Variants in CPS1 observed in about 807,000 individuals in gnomAD.
CPS1 encodes the protein carbamoyl-phosphate synthase [ammonia], mitochondrial.
In CPS1, 109 loss-of-function variants were observed where a neutral mutation model predicts 174.6. That is an observed-to-expected ratio of 0.62 (90% CI 0.53 to 0.73). The LOEUF is 0.73. CPS1 is among the 30% of genes least tolerant of loss of function. The probability of loss-of-function intolerance (pLI) is 0.00; values close to 1 mark genes in which losing one functional copy is unlikely to be tolerated. For synonymous variants in CPS1, 637 were observed against 632.0 expected, an observed-to-expected ratio of 1.01 and a Z score of -0.12; for missense variants, 1,689 against 1,821.9, an observed-to-expected ratio of 0.93 and a Z score of 1.33.
intron 33 of CPS1, among the ~76,000 whole-genome samples, chr2:210,666,012 GC>G (rs1559136113): frequency 6.7e-6 from 1 of 150,260 alleles, no homozygotes; most frequent in Non-Finnish European, 1.5e-5. Flanking sequence ...TTTAATGATT[GC>G]CATTCTAACT....
At chr2:210,479,329 C>CTTTTTTTT (rs11299389) in intron 1 of CPS1, among the ~76,000 whole-genome samples, 1 of 122,412 alleles carries the variant, frequency 8.2e-6, no homozygotes, top group Non-Finnish European at 1.7e-5. Context: ...ATCATTCTTT[C>CTTTTTTTT]TTTTTTTTTT....
At chr2:210,554,312 T>A (rs1559073646), upstream of CPS1, among the ~76,000 whole-genome samples, 1 of 150,860 alleles carries the variant, frequency 6.6e-6, no homozygotes, top group East Asian at 1.9e-4. Context: ...CAAGTCTGCA[T>A]CTGGGACCCT....
chr2:210,657,279 C>T (rs1700742941), intron 30 of CPS1: 1 of 153,092 alleles, frequency 6.5e-6, no homozygotes, highest in Non-Finnish European at 1.5e-5. Context: ...ACTCAATATG[C>T]ACTGCTAGGT....
At chr2:210,659,848 G>A (rs1574653402) in intron 31 of CPS1, among the ~76,000 whole-genome samples, 3 of 152,186 alleles carry the variant, frequency 2.0e-5, no homozygotes, top group African/African-American at 7.2e-5. Flanking sequence ...ATGTATTTGA[G>A]CATCCTATGC....
intron 1 of CPS1, among the ~76,000 whole-genome samples, chr2:210,561,634 C>G (rs974819845): frequency 2.6e-5 from 4 of 152,172 alleles, no homozygotes; most frequent in Admixed American, 2.6e-4. Context: ...GTATGCTACG[C>G]TGACTGCCCT....
intron 4 of CPS1, among the ~76,000 whole-genome samples, chr2:210,578,536 A>C (rs1012038406): frequency 1.3e-5 from 2 of 152,030 alleles, no homozygotes; most frequent in Non-Finnish European, 2.9e-5. Flanking sequence ...TTTTTGTTCA[A>C]CTGCTGGGCC....
chr2:210,510,596 C>A (rs1386454930), intron 1 of CPS1, among the ~76,000 whole-genome samples: 1 of 152,110 alleles, frequency 6.6e-6, no homozygotes, highest in Non-Finnish European at 1.5e-5. Context: ...AGTGAATAGG[C>A]AACCTACAGA....
chr2:210,555,742 T>G, upstream of CPS1: 1 of 444,348 alleles, frequency 2.3e-6, no homozygotes, highest in East Asian at 7.0e-5. Flanking sequence ...CATAGTCATG[T>G]GACTTAAGCA....
chr2:210,546,717 A>G (rs1246692711), intron 1 of CPS1, among the ~76,000 whole-genome samples: 1 of 152,142 alleles, frequency 6.6e-6, no homozygotes, highest in Non-Finnish European at 1.5e-5. Context: ...GCCATTTAAT[A>G]AAGAGAAAAC....
intron 24 of CPS1, 106 bp from the exon 25 acceptor site, chr2:210,642,378 C>T (rs1700253578): frequency 1.5e-6 from 2 of 1,349,106 alleles, no homozygotes; most frequent in East Asian, 4.6e-5. Flanking sequence ...AATTGAAAAT[C>T]ATTAGCTTCC....
intron 1 of CPS1, among the ~76,000 whole-genome samples, chr2:210,544,167 T>C (rs941399232): frequency 6.6e-6 from 1 of 152,128 alleles, no homozygotes; most frequent in South Asian, 2.1e-4. Flanking sequence ...CTTCTACTTA[T>C]TGACTAGCTT....
At chr2:210,539,542 C>T (rs1574503651) in intron 1 of CPS1, among the ~76,000 whole-genome samples, 1 of 152,100 alleles carries the variant, frequency 6.6e-6, no homozygotes, top group East Asian at 1.9e-4. Context: ...CTTGCTTGGT[C>T]AATTTGTTCC....
At chr2:210,496,283 A>G (rs1328532906) in intron 1 of CPS1, among the ~76,000 whole-genome samples, 1 of 152,178 alleles carries the variant, frequency 6.6e-6, no homozygotes, top group Non-Finnish European at 1.5e-5. Context: ...CTCTGTCTCC[A>G]GAGCCTTTGG....
At chr2:210,555,841 A>T (rs1020608875), upstream of CPS1, among the ~76,000 whole-genome samples, 4 of 152,014 alleles carry the variant, frequency 2.6e-5, no homozygotes, top group Non-Finnish European at 4.4e-5. Flanking sequence ...TTCATGTTGA[A>T]ATATGAATGC....
chr2:210,562,498 C>T (rs1697135826), intron 1 of CPS1, among the ~76,000 whole-genome samples: 2 of 152,092 alleles, frequency 1.3e-5, no homozygotes, highest in Non-Finnish European at 1.5e-5. Flanking sequence ...TAGTGTAATT[C>T]CAAGAATAAA....
At chr2:210,574,239 T>C (rs1030519206) in intron 2 of CPS1, among the ~76,000 whole-genome samples, 1 of 152,046 alleles carries the variant, frequency 6.6e-6, no homozygotes, top group African/African-American at 2.4e-5. Flanking sequence ...TAAACAATTA[T>C]GTGTCTTAAA....
intron 1 of CPS1, among the ~76,000 whole-genome samples, chr2:210,482,011 C>T (rs748997659): frequency 7.9e-5 from 12 of 152,324 alleles, no homozygotes; most frequent in East Asian, 3.9e-4. Context: ...TATACATCAT[C>T]ACAACACCTG....
At chr2:210,511,530 A>C (rs1460512390) in intron 1 of CPS1, among the ~76,000 whole-genome samples, 1 of 122,144 alleles carries the variant, frequency 8.2e-6, no homozygotes, top group Admixed American at 7.8e-5. Context: ...CTTAAATTAT[A>C]ATAATAAACA....
intron 21 of CPS1, among the ~76,000 whole-genome samples, chr2:210,626,892 A>T (rs1332279296): frequency 6.6e-6 from 1 of 152,218 alleles, no homozygotes; most frequent in Non-Finnish European, 1.5e-5. Context: ...ATTATAATAA[A>T]GGTGAAAAAT....
Sources: allele counts gnomAD v4.1 joint callset (sites outside exome capture counted in the v4.1 genomes callset), GRCh38; gene constraint gnomAD v4.1.1; transcripts MANE v1.5; gene names NCBI Gene and HGNC (gene_info 2026-07-23, HGNC 2026-07-21).